Variants in SIPA1L3 observed in about 807,000 individuals in gnomAD.
SIPA1L3 encodes signal-induced proliferation-associated 1-like protein 3.
In SIPA1L3, 59 loss-of-function variants were observed where a neutral mutation model predicts 150.1. That is an observed-to-expected ratio of 0.39 (90% CI 0.32 to 0.49). The LOEUF is 0.49. SIPA1L3 is among the 20% of genes least tolerant of loss of function. The pLI is 0.86. For synonymous variants in SIPA1L3, 1,070 were observed against 1,077.6 expected, an observed-to-expected ratio of 0.99 and a Z score of 0.14; for missense variants, 2,211 against 2,489.5, an observed-to-expected ratio of 0.89 and a Z score of 2.38.
At chr19:37,922,890 A>G (rs549606413) in intron 1 of SIPA1L3, among the ~76,000 whole-genome samples, 4 of 150,480 alleles carry the variant, frequency 2.7e-5, no homozygotes, top group Admixed American at 1.3e-4. Flanking sequence ...GCACTTTGGG[A>G]GGCCAAGGCA....
At chr19:37,992,923 G>A (rs1056790070) in intron 1 of SIPA1L3, among the ~76,000 whole-genome samples, 3 of 152,180 alleles carry the variant, frequency 2.0e-5, no homozygotes, top group Admixed American at 6.5e-5. Context: ...TGTGCAGGGC[G>A]AGTGTGAGTG....
chr19:38,034,519 G>A (rs1381590755), intron 2 of SIPA1L3, among the ~76,000 whole-genome samples: 2 of 151,982 alleles, frequency 1.3e-5, no homozygotes, highest in South Asian at 2.1e-4. Flanking sequence ...TAAGAGGTCC[G>A]GGGGTGCGGG....
At chr19:38,188,225 G>T (rs1385119405) in intron 16 of SIPA1L3, among the ~76,000 whole-genome samples, 1 of 151,678 alleles carries the variant, frequency 6.6e-6, no homozygotes, top group East Asian at 2.0e-4. Flanking sequence ...TCACTCTGTT[G>T]CCCAAGCTGG....
At chr19:37,966,384 C>G (rs917403356) in intron 1 of SIPA1L3, among the ~76,000 whole-genome samples, 23 of 152,178 alleles carry the variant, frequency 1.5e-4, no homozygotes, top group Admixed American at 9.8e-4. Context: ...TTGGACAGAG[C>G]TCCCTTTCCT....
chr19:38,152,991 G>A (rs377714620), intron 13 of SIPA1L3, 24 bp downstream of exon 13: 83 of 1,605,216 alleles, frequency 5.2e-5, no homozygotes, highest in Non-Finnish European at 6.5e-5. Flanking sequence ...CAGCTGCTGC[G>A]CCCACCCGCC....
chr19:38,105,029 C>T (rs962765865), intron 6 of SIPA1L3, among the ~76,000 whole-genome samples: 6 of 151,980 alleles, frequency 3.9e-5, no homozygotes, highest in South Asian at 2.1e-4. Context: ...TCAGTGTCCC[C>T]GCCAGACACT....
At chr19:38,028,837 C>T (rs935893831) in intron 1 of SIPA1L3, among the ~76,000 whole-genome samples, 5 of 151,918 alleles carry the variant, frequency 3.3e-5, no homozygotes, top group African/African-American at 9.7e-5. Flanking sequence ...GCATGACAGG[C>T]GCCCACCACC....
chr19:37,963,846 G>A (rs963451926), intron 1 of SIPA1L3: 1 of 152,132 alleles, frequency 6.6e-6, no homozygotes, highest in Non-Finnish European at 1.5e-5. Flanking sequence ...ATACCCAGAA[G>A]TCTTTCCAAA....
At chr19:38,127,509 T>A (rs898203585) in intron 9 of SIPA1L3, among the ~76,000 whole-genome samples, 4 of 152,160 alleles carry the variant, frequency 2.6e-5, no homozygotes, top group African/African-American at 4.8e-5. Flanking sequence ...CTTTAATTTT[T>A]AAAGACAAGG....
chr19:38,098,637 C>T (rs111351340), intron 4 of SIPA1L3, among the ~76,000 whole-genome samples: 26 of 152,172 alleles, frequency 1.7e-4, no homozygotes, highest in East Asian at 9.7e-4. Flanking sequence ...TCAAGTGGTC[C>T]GCCCGCCTCG....
intron 12 of SIPA1L3, among the ~76,000 whole-genome samples, chr19:38,151,961 CAAA>C (rs35851181): frequency 1.2e-5 from 1 of 86,140 alleles, no homozygotes; most frequent in South Asian, 4.6e-4. Context: ...GACCCCATCT[CAAA>C]AAAAAAAAAA....
intron 16 of SIPA1L3, 87 bp downstream of exon 16, chr19:38,182,827 C>A: frequency 9.8e-7 from 1 of 1,015,664 alleles, no homozygotes; most frequent in South Asian, 1.6e-5. Context: ...CACATGCTGT[C>A]ATTGCACAGA....
At chr19:37,954,254 T>C (rs1007155419) in intron 1 of SIPA1L3, among the ~76,000 whole-genome samples, 1 of 152,196 alleles carries the variant, frequency 6.6e-6, no homozygotes, top group Non-Finnish European at 1.5e-5. Flanking sequence ...TTGACATTCA[T>C]GATCCTACTA....
intron 16 of SIPA1L3, among the ~76,000 whole-genome samples, chr19:38,187,688 A>G (rs1340405546): frequency 7.1e-6 from 1 of 140,880 alleles, no homozygotes; most frequent in African/African-American, 2.6e-5. Flanking sequence ...ACTGCACTCC[A>G]GCCTGGGCGA....
At chr19:38,002,934 A>G (rs1967843556) in intron 1 of SIPA1L3, among the ~76,000 whole-genome samples, 1 of 151,826 alleles carries the variant, frequency 6.6e-6, no homozygotes, top group South Asian at 2.1e-4. Flanking sequence ...ACTTGAAGCC[A>G]GGAGTTCGAG....
intron 9 of SIPA1L3, among the ~76,000 whole-genome samples, chr19:38,121,108 G>A (rs1017016096): frequency 2.6e-5 from 4 of 152,092 alleles, no homozygotes; most frequent in East Asian, 1.9e-4. Context: ...TTGGGAGGCC[G>A]AGGAGAAAGG....
intron 16 of SIPA1L3, among the ~76,000 whole-genome samples, chr19:38,186,803 C>T (rs1219232973): frequency 2.0e-4 from 30 of 149,872 alleles, no homozygotes; most frequent in African/African-American, 7.1e-4. Flanking sequence ...CCAGCCTGAC[C>T]AACATGGAGA....
At position 38,119,461 on chromosome 19, in the gene SIPA1L3, T is replaced by C; in HGVS notation, c.2447T>C (p.Met816Thr). The C allele has an allele frequency of 6.2e-7, 1 of 1,614,128 alleles. No homozygotes were observed. Among genetic ancestry groups the C allele is most frequent in the Non-Finnish European group, 8.5e-7 (1 of 1,180,026 alleles). ...CACAAGTCCGACAAGTTCCACACCA[T>C]GGCCACCAGGACCCGCCAGGAGTAT... ...AAHKSDKFHT[M>T]ATRTRQEYLK... The change falls in exon 9 of 22, where the codon ATG becomes ACG. Residue 816 changes from methionine to threonine, a missense_variant. Met to Thr is a moderately conservative substitution (Grantham distance 81). Transcript: ENST00000222345.
Position 38,082,461 on chromosome 19 carries a change from C to T in SIPA1L3, c.896C>T (p.Ser299Leu), listed in dbSNP as rs1464218155. The T allele has an allele frequency of 3.1e-6, 5 of 1,589,102 alleles. No homozygotes were observed. In the Admixed American group the frequency reaches 6.9e-5, roughly 22 times the overall value. The change falls in exon 3 of 22, where the codon TCG becomes TTG. Residue 299 changes from serine to leucine, a missense_variant. This residue lies in a region of SIPA1L3 where 587 missense variants were observed against 534.5 expected (regional missense o/e 1.10). Coordinates refer to ENST00000222345, the MANE Select transcript of SIPA1L3 (RefSeq NM_015073.3). ...RGLGGGDTVD[S>L]SIFRKLRSSK... ...CTCGGCGGCGGGGACACGGTGGACTCGTCCATCTTTCGGAAGCTAAGGAGC... is the reference window on the plus strand; with the variant it reads ...CTCGGCGGCGGGGACACGGTGGACTTGTCCATCTTTCGGAAGCTAAGGAGC...
Sources: allele counts gnomAD v4.1 joint callset (sites outside exome capture counted in the v4.1 genomes callset), GRCh38; gene constraint gnomAD v4.1.1; regional missense constraint gnomAD v4.1.1; transcripts MANE v1.5; gene names NCBI Gene and HGNC (gene_info 2026-07-23, HGNC 2026-07-21).